ANO3: variants seen among roughly 807,000 people sequenced by gnomAD.
ANO3 encodes anoctamin-3.
Under a neutral mutation model 144.8 loss-of-function variants are expected in ANO3, and 99 were observed. The ratio of observed to expected loss-of-function variants is 0.68; its 90% confidence interval spans 0.58 to 0.81. ANO3 has a LOEUF of 0.81. ANO3 is among the 30% of genes least tolerant of loss of function. The probability of loss-of-function intolerance (pLI) is 0.00; values close to 1 mark genes in which losing one functional copy is unlikely to be tolerated. For synonymous variants in ANO3, 414 were observed against 392.6 expected (o/e 1.05, Z -0.64); for missense variants, 905 against 1,202.2 (o/e 0.75, Z 3.66).
At chr11:26,397,692 G>A (rs1244091865) in intron 1 of ANO3, among the ~76,000 whole-genome samples, 1 of 152,020 alleles carries the variant, frequency 6.6e-6, no homozygotes, top group Non-Finnish European at 1.5e-5. Context: ...TCATTTCTTT[G>A]TGTTGGGAAC....
intron 4 of ANO3, among the ~76,000 whole-genome samples, chr11:26,468,191 A>G (rs923913477): frequency 6.6e-6 from 1 of 151,952 alleles, no homozygotes; most frequent in Non-Finnish European, 1.5e-5. Flanking sequence ...CCTACGGTAA[A>G]GAATCCATGG....
rs1201486942 is a variant in ANO3 at position 26,250,265 on chromosome 11, TG to T, written c.155-59379del. Among the ~76,000 whole-genome samples, 4 of 152,252 alleles carry T rather than the reference TG, an allele frequency of 2.6e-5. 1 individual carries two copies. The South Asian group carries it at 8.3e-4, about 31-fold the overall frequency. The stretch of plus-strand genomic sequence containing the variant: ...TTCTGTGGCAGCTATGGGTATTTTA[TG>T]TTTTCCAGTTGGCTGTCTCTTTGTT... On this transcript the variant is annotated intron_variant, in intron 1 of 27. Transcript: ENST00000672621.
chr11:26,273,244 TTA>T (rs200150224), intron 1 of ANO3, among the ~76,000 whole-genome samples: 4,727 of 147,278 alleles, frequency 0.032, 110 homozygotes, highest in African/African-American at 0.082. Context: ...TTTTTTTTTT[TTA>T]TATTGGACAA....
chr11:26,470,661 A>T (rs1399694752), intron 4 of ANO3, among the ~76,000 whole-genome samples: 2 of 152,002 alleles, frequency 1.3e-5, no homozygotes, highest in Non-Finnish European at 2.9e-5. Context: ...GGCTGTAAAA[A>T]AATGTGCAGT....
At chr11:26,630,838 G>C (rs1852754265) in intron 18 of ANO3, among the ~76,000 whole-genome samples, 1 of 152,080 alleles carries the variant, frequency 6.6e-6, no homozygotes, top group Admixed American at 6.6e-5. Flanking sequence ...ATCTCACCAA[G>C]CAAGTTGAAT....
intron 1 of ANO3, among the ~76,000 whole-genome samples, chr11:26,216,528 G>C (rs1270958501): frequency 1.3e-5 from 2 of 151,920 alleles, no homozygotes; most frequent in African/African-American, 4.8e-5. Flanking sequence ...ACTTGTTAAA[G>C]ATATATTGAA....
chr11:26,243,892 C>G (rs1903458), intron 1 of ANO3, among the ~76,000 whole-genome samples: 55,603 of 151,626 alleles, frequency 0.37, 10,368 homozygotes, highest in Non-Finnish European at 0.37. Context: ...GGCCGAGGTG[C>G]GCAGATCAAG....
chr11:26,438,610 A>ACAAAAAAAAAAAAAAAAAG (rs1491295176), intron 1 of ANO3, among the ~76,000 whole-genome samples: 2 of 73,848 alleles, frequency 2.7e-5, no homozygotes, highest in Non-Finnish European at 5.1e-5. Flanking sequence ...AAAAAAAAAG[A>ACAAAAAAAAAAAAAAAAAG]AAAAAAAAAA....
chr11:26,230,299 C>G (rs1415256765), intron 1 of ANO3, among the ~76,000 whole-genome samples: 1 of 152,044 alleles, frequency 6.6e-6, no homozygotes, highest in Non-Finnish European at 1.5e-5. Context: ...GGTAAAGGAA[C>G]TTCAATGGAG....
At chr11:26,301,673 A>C (rs972813627) in intron 1 of ANO3, among the ~76,000 whole-genome samples, 1 of 152,206 alleles carries the variant, frequency 6.6e-6, no homozygotes, top group Non-Finnish European at 1.5e-5. Flanking sequence ...GAGAATGAAA[A>C]ATGAATGTTA....
chr11:26,280,516 A>G (rs1373130590), intron 1 of ANO3, among the ~76,000 whole-genome samples: 1 of 152,184 alleles, frequency 6.6e-6, no homozygotes, highest in African/African-American at 2.4e-5. Flanking sequence ...ACATGTAGGC[A>G]GGAACACTAA....
chr11:26,319,011 C>A (rs1854693529), intron 1 of ANO3, among the ~76,000 whole-genome samples: 2 of 152,048 alleles, frequency 1.3e-5, no homozygotes, highest in Admixed American at 6.6e-5. Context: ...GGGTCTTACT[C>A]TGTTGCCCAG....
At chr11:26,423,582 TAC>T (rs984001013) in intron 1 of ANO3, among the ~76,000 whole-genome samples, 2 of 151,956 alleles carry the variant, frequency 1.3e-5, no homozygotes, top group Non-Finnish European at 2.9e-5. Flanking sequence ...ACGTAAGAAA[TAC>T]AGTTTGGTGA....
intron 12 of ANO3, among the ~76,000 whole-genome samples, chr11:26,549,657 C>T (rs1849879978): frequency 6.6e-6 from 1 of 151,882 alleles, no homozygotes; most frequent in South Asian, 2.1e-4. Context: ...ATTGTATATA[C>T]ATACATGTAT....
At chr11:26,470,835 C>A (rs981802682) in intron 4 of ANO3, among the ~76,000 whole-genome samples, 3 of 151,764 alleles carry the variant, frequency 2.0e-5, no homozygotes, top group Admixed American at 6.6e-5. Flanking sequence ...ATATCATTAC[C>A]TTTTTACAAT....
intron 1 of ANO3, among the ~76,000 whole-genome samples, chr11:26,277,800 C>T (rs1019252752): frequency 6.6e-6 from 1 of 151,944 alleles, no homozygotes; most frequent in Non-Finnish European, 1.5e-5. Flanking sequence ...CTTCATACTA[C>T]ATCATCTCTG....
At chr11:26,459,409 T>C (rs1859289936) in intron 3 of ANO3, among the ~76,000 whole-genome samples, 1 of 152,074 alleles carries the variant, frequency 6.6e-6, no homozygotes, top group African/African-American at 2.4e-5. Context: ...TTAACTATAA[T>C]CAGATGTTGA....
intron 1 of ANO3, among the ~76,000 whole-genome samples, chr11:26,372,576 A>G (rs1461373): frequency 0.27 from 40,652 of 152,138 alleles, 6,099 homozygotes; most frequent in African/African-American, 0.41. Context: ...AGTGCTTTTT[A>G]TACTATCTCA....
chr11:26,559,569 C>G (rs1270768322), intron 13 of ANO3, 150 bp from the exon 14 acceptor site: 2 of 602,458 alleles, frequency 3.3e-6, no homozygotes, highest in African/African-American at 3.7e-5. Context: ...GTTGCAAGAC[C>G]CATGAAAGGA....
Sources: allele counts gnomAD v4.1 joint callset (sites outside exome capture counted in the v4.1 genomes callset), GRCh38; gene constraint gnomAD v4.1.1; transcripts MANE v1.5; gene names NCBI Gene and HGNC (gene_info 2026-07-23, HGNC 2026-07-21).